Variants in TLL1 observed in about 807,000 individuals in gnomAD.
The protein encoded by TLL1 is tolloid like 1, also known as tolloid-like protein 1.
TLL1 carries 49 observed loss-of-function variants against 128.2 expected under a neutral mutation model. The observed-to-expected ratio is 0.38, with a 90% CI of 0.30 to 0.48. TLL1 has a LOEUF of 0.48. Among genes scored for constraint, TLL1 ranks in the 20% least tolerant of loss-of-function variants. The pLI is 0.96. For synonymous variants in TLL1, 454 were observed against 418.8 expected, an observed-to-expected ratio of 1.08 and a Z score of -1.03; for missense variants, 1,123 against 1,242.0, an observed-to-expected ratio of 0.90 and a Z score of 1.44.
At chr4:166,047,716 G>A (rs1739525354) in intron 12 of TLL1, among the ~76,000 whole-genome samples, 1 of 152,048 alleles carries the variant, frequency 6.6e-6, no homozygotes, top group Admixed American at 6.6e-5. Context: ...TTGTGAATGA[G>A]TTTCAGGAAT....
intron 8 of TLL1, among the ~76,000 whole-genome samples, chr4:166,024,795 T>A (rs1328719963): frequency 6.6e-6 from 1 of 152,208 alleles, no homozygotes; most frequent in Non-Finnish European, 1.5e-5. Context: ...TATATACATA[T>A]ATATTTTTTC....
At position 166,087,756 on chromosome 4, in the gene TLL1, G is replaced by A. The variant is rs927888470; in HGVS notation, c.2443-3372G>A. ...ACAGATGTTCATATGAGAGAACAGC[G>A]TCTGGAAGCCTGGCCAGGGGCCAGC... On this transcript the variant is annotated intron_variant, in intron 18 of 20. Transcript: ENST00000061240. 7.2e-5 allele frequency among the ~76,000 whole-genome samples: 11 copies of A among 152,134 alleles called. No homozygotes were observed. The South Asian group carries it at 8.3e-4, about 11-fold the overall frequency.
intron 1 of TLL1, among the ~76,000 whole-genome samples, chr4:165,885,020 G>A (rs1731108503): frequency 6.6e-6 from 1 of 152,084 alleles, no homozygotes; most frequent in Non-Finnish European, 1.5e-5. Flanking sequence ...AAAATAAACA[G>A]TAAAATGAAT....
At chr4:165,991,312 G>C (rs921283183) in intron 2 of TLL1, among the ~76,000 whole-genome samples, 2 of 151,832 alleles carry the variant, frequency 1.3e-5, no homozygotes, top group South Asian at 4.2e-4. Context: ...TTCTGTGGAA[G>C]GTACATGTTT....
intron 7 of TLL1, among the ~76,000 whole-genome samples, chr4:166,011,280 A>C (rs1314681147): frequency 6.6e-6 from 1 of 151,404 alleles, no homozygotes; most frequent in Non-Finnish European, 1.5e-5. Flanking sequence ...AAGTGTTTCA[A>C]TTCAGGAACA....
rs534815743 is a variant in TLL1, at chr4:165,935,089, A to G, written c.170-54292A>G. On this transcript the variant is annotated intron_variant, in intron 1 of 20. Coordinates refer to ENST00000061240, the MANE Select transcript of TLL1 (RefSeq NM_012464.5). ...GCACTTTATATAAAATGTTTTTAAAATAATAATAATATGCAGTAGTTACTC... is the reference window on the plus strand; with the variant it reads ...GCACTTTATATAAAATGTTTTTAAAGTAATAATAATATGCAGTAGTTACTC... Among the ~76,000 whole-genome samples, 30 of 152,312 alleles carry G rather than the reference A, an allele frequency of 2.0e-4. No homozygotes were observed. The South Asian group carries it at 6.2e-3, about 32-fold the overall frequency.
intron 3 of TLL1, among the ~76,000 whole-genome samples, chr4:165,993,733 A>C (rs1736742530): frequency 6.6e-6 from 1 of 152,106 alleles, no homozygotes; most frequent in Non-Finnish European, 1.5e-5. Context: ...AAAGGAAAAG[A>C]CTATAGACTT....
At chr4:166,064,225 C>T (rs529119158) in intron 15 of TLL1, among the ~76,000 whole-genome samples, 3 of 151,976 alleles carry the variant, frequency 2.0e-5, no homozygotes, top group African/African-American at 7.2e-5. Flanking sequence ...TTGAGCTACA[C>T]CTTTTGAAAA....
At chr4:165,924,998 A>G (rs987820391) in intron 1 of TLL1, among the ~76,000 whole-genome samples, 4 of 152,184 alleles carry the variant, frequency 2.6e-5, no homozygotes, top group African/African-American at 9.7e-5. Context: ...GTGGAGACTT[A>G]CTGCTCCAAA....
intron 1 of TLL1, among the ~76,000 whole-genome samples, chr4:165,902,094 C>G (rs1251786135): frequency 2.6e-5 from 4 of 152,080 alleles, no homozygotes; most frequent in Admixed American, 2.6e-4. Context: ...GCCCCTCCCC[C>G]CACGAAGCTT....
intron 1 of TLL1, among the ~76,000 whole-genome samples, chr4:165,982,080 C>T (rs550413374): frequency 1.1e-4 from 16 of 151,920 alleles, no homozygotes; most frequent in Middle Eastern, 3.4e-3. Flanking sequence ...AAAGTGTAGA[C>T]GCCAAATAAT....
intron 1 of TLL1, among the ~76,000 whole-genome samples, chr4:165,948,638 G>T (rs186718801): frequency 1.5e-4 from 23 of 152,182 alleles, no homozygotes; most frequent in Admixed American, 1.5e-3. Flanking sequence ...GCTAGCCCAG[G>T]CTTCTCTTCC....
chr4:166,091,347 C>A lies in TLL1; in HGVS notation c.2656+6C>A. ...TCAAGCTACACATTCTACAGGTCAG[C>A]AAATTCAAGTCATGCTTCTCTTTTT... On this transcript the variant is annotated splice_donor_region_variant and intron_variant, in intron 19 of 20. Coordinates refer to ENST00000061240, the MANE Select transcript of TLL1 (RefSeq NM_012464.5). The A allele has an allele frequency of 6.2e-7, 1 of 1,611,086 alleles. No homozygotes were observed. Among genetic ancestry groups the A allele is most frequent in the Non-Finnish European group, 8.5e-7 (1 of 1,178,192 alleles).
intron 18 of TLL1, 48 bp from the exon 19 acceptor site, chr4:166,091,080 G>C: frequency 6.9e-7 from 1 of 1,459,468 alleles, no homozygotes. Flanking sequence ...ATCTCATTTT[G>C]AGTGATTTGT....
intron 9 of TLL1, among the ~76,000 whole-genome samples, chr4:166,032,722 T>C (rs1244497266): frequency 6.6e-6 from 1 of 152,124 alleles, no homozygotes; most frequent in Non-Finnish European, 1.5e-5. Context: ...TTATGTTGAA[T>C]ACATGAGTTG....
intron 18 of TLL1, among the ~76,000 whole-genome samples, chr4:166,084,832 T>A (rs371414499): frequency 1.3e-5 from 2 of 152,086 alleles, no homozygotes; most frequent in East Asian, 1.9e-4. Flanking sequence ...CTAACTTTGG[T>A]TTTTTTGTTC....
chr4:165,923,857 T>G (rs1733156885), intron 1 of TLL1, among the ~76,000 whole-genome samples: 1 of 152,206 alleles, frequency 6.6e-6, no homozygotes, highest in African/African-American at 2.4e-5. Flanking sequence ...ATGAGCTCGC[T>G]TCATGTCTCT....
At chr4:166,006,490 T>A (rs1737433285) in intron 6 of TLL1, among the ~76,000 whole-genome samples, 3 of 151,800 alleles carry the variant, frequency 2.0e-5, no homozygotes, top group Admixed American at 2.0e-4. Flanking sequence ...GAGAATCTGG[T>A]CCCATATTAA....
intron 10 of TLL1, among the ~76,000 whole-genome samples, chr4:166,041,512 G>A (rs369668811): frequency 2.6e-5 from 4 of 152,144 alleles, no homozygotes; most frequent in African/African-American, 9.6e-5. Context: ...TATTGTCCAA[G>A]ATGGTCTCGA....
Sources: gnomAD v4.1 joint callset for allele counts (sites outside exome capture counted in the v4.1 genomes callset) on GRCh38, gnomAD v4.1.1 for gene constraint, MANE v1.5 for transcripts, NCBI Gene and HGNC (gene_info 2026-07-23, HGNC 2026-07-21) for gene names.